TRIM46: variants seen among roughly 807,000 people sequenced by gnomAD.
TRIM46 encodes tripartite motif containing 46.
In TRIM46, 17 loss-of-function variants were observed where a neutral mutation model predicts 69.7. That is an observed-to-expected ratio of 0.24 (90% confidence interval 0.17 to 0.37). The LOEUF (loss-of-function observed/expected upper bound fraction) is 0.37, where lower values mean the gene tolerates loss of function less well. Among genes scored for constraint, TRIM46 ranks in the 10% least tolerant of loss-of-function variants. TRIM46 has a pLI of 1.00. For missense variants in TRIM46, 675 were observed against 1,025.1 expected (o/e 0.66, Z 4.66); for synonymous variants, 391 against 429.0 (o/e 0.91, Z 1.09).
In TRIM46 at chr1:155,173,888, C is replaced by T; in HGVS notation, c.-79C>T. The T allele has an allele frequency of 6.9e-7, 1 of 1,448,070 alleles. No individual in the cohort carries two copies. Among genetic ancestry groups the T allele is most frequent in the Non-Finnish European group, 9.4e-7 (1 of 1,058,990 alleles). 89.7% of individuals were successfully genotyped at this position (1,448,070 alleles called of 1,614,324 possible). ...ACCCCCAGCCCTCCTCACACCCCCACTGGGCTCCTGCATTAAGCCCGGGGT... is the reference window on the plus strand; with the variant it reads ...ACCCCCAGCCCTCCTCACACCCCCATTGGGCTCCTGCATTAAGCCCGGGGT... On this transcript the variant is annotated 5_prime_UTR_variant, in exon 1 of 10. Transcript: ENST00000334634.
chr1:155,180,370 G>A (rs2147791445), intron 8 of TRIM46: 12 of 332,338 alleles, frequency 3.6e-5, no homozygotes, highest in South Asian at 2.3e-4. Context: ...GCCGAGGCGG[G>A]CGGATCACAA....
chr1:155,178,044 C>T lies in TRIM46; in HGVS notation c.952C>T (p.Arg318Trp), dbSNP rs756619267. Residue 318 changes from arginine to tryptophan, a missense_variant, in exon 6 of 10, where the codon CGG becomes TGG. Arg to Trp is a moderately radical substitution (Grantham distance 101). Transcript: ENST00000334634. ...CAAGGAGGAGGTGTCGCAGCTGGTG[C>T]GGGGGCTGGGGGCTGTGCTGGAGGA... is the stretch of plus-strand genomic sequence containing the variant. ...QAKEEVSQLV[R>W]GLGAVLEEKR... 11 of 1,613,652 alleles carry T rather than the reference C, an allele frequency of 6.8e-6. No individual in the cohort carries two copies. Among genetic ancestry groups the T allele is most frequent in the East Asian group, 2.2e-5 (1 of 44,888 alleles).
In TRIM46 at chr1:155,175,687, G is replaced by A. The variant is rs1665591820; in HGVS notation, c.325+40G>A. 1 of 1,611,918 alleles carries A rather than the reference G, an allele frequency of 6.2e-7. No homozygotes were observed. Among genetic ancestry groups the A allele is most frequent in the South Asian group, 1.1e-5 (1 of 91,062 alleles). On this transcript the variant is annotated intron_variant, in intron 2 of 9. Transcript: ENST00000334634. The surrounding 1 kb of genome is among the most constrained non-coding windows in gnomAD (Gnocchi z 4.2). Reference sequence around the variant, plus strand: ...TGTAGGGTGGGGATGGGAACGCTGAGCTATTCATCAGGAAGATGGAAGAAG... The same window carrying A: ...TGTAGGGTGGGGATGGGAACGCTGAACTATTCATCAGGAAGATGGAAGAAG...
Position 155,177,277 on chromosome 1 carries a change from T to C in TRIM46, c.896T>C (p.Val299Ala). 6.2e-7 allele frequency: 1 copy of C among 1,613,932 alleles called. No homozygotes were observed. Among genetic ancestry groups the C allele is most frequent in the South Asian group, 1.1e-5 (1 of 91,052 alleles). Residue 299 changes from valine to alanine, a missense_variant, in exon 5 of 10, where the codon GTG (valine) becomes GCG (alanine). Around this residue, in one of 5 missense-constraint regions of TRIM46, gnomAD observed 361 missense variants for 498.3 expected, o/e 0.72. Coordinates refer to ENST00000334634, the MANE Select transcript of TRIM46 (RefSeq NM_025058.5). ...CAGATCTGTGAGCTGGAGGAGGCCGTGAGGCACACCGAGGTGAGGGAGGGC... is the reference window on the plus strand; with the variant it reads ...CAGATCTGTGAGCTGGAGGAGGCCGCGAGGCACACCGAGGTGAGGGAGGGC... ...QTQICELEEAVRHTEVSGQQA... is the reference protein window; with the variant it reads ...QTQICELEEAARHTEVSGQQA...
rs528552235 is a variant in TRIM46 at position 155,179,998 on chromosome 1, C to T, written c.1588+64C>T. ...GGGTATGCCAGGGCCTAGGCCCTGA[C>T]GGTTGGTTCCGGTGGCCGCTAGAGA... On this transcript the variant is annotated intron_variant, in intron 8 of 9. Coordinates refer to ENST00000334634, the MANE Select transcript of TRIM46 (RefSeq NM_025058.5). 7.1e-5 allele frequency: 106 copies of T among 1,496,004 alleles called. 1 individual carries two copies. The highest frequency in any genetic ancestry group is 5.3e-4 in the South Asian group (40 of 74,936). 92.7% of individuals were successfully genotyped at this position (1,496,004 alleles called of 1,614,324 possible).
intron 7 of TRIM46, 102 bp from the exon 8 acceptor site, chr1:155,179,530 A>AC (rs1010334995): frequency 3.4e-5 from 36 of 1,061,610 alleles, no homozygotes; most frequent in South Asian, 7.9e-5. Context: ...ACCCACACTC[A>AC]CCCCCCCGGC....
At chr1:155,182,200 G>A (rs1490239978) in intron 9 of TRIM46, 51 bp downstream of exon 9, 6 of 1,569,990 alleles carry the variant, frequency 3.8e-6, no homozygotes, top group Middle Eastern at 1.7e-4. Context: ...TGGGAGTGAG[G>A]GGCACAGAAG....
chr1:155,178,923 A>C, intron 7 of TRIM46: 3 of 1,093,470 alleles, frequency 2.7e-6, no homozygotes, highest in Non-Finnish European at 3.8e-6. Flanking sequence ...CACGCATCTC[A>C]GCCAACCACT....
At position 155,179,888 on chromosome 1, in the gene TRIM46, C is replaced by T. The variant is rs148757333; in HGVS notation, c.1542C>T (p.Tyr514=). Residue 514 remains tyrosine, a synonymous_variant, in exon 8 of 10, where the codon TAC becomes TAT. Coordinates refer to ENST00000334634, the MANE Select transcript of TRIM46 (RefSeq NM_025058.5). ...LRVRGCNKAG[Y]GEYSEDVHLH... ...TCCGCGGCTGCAACAAGGCCGGCTA[C>T]GGCGAATACAGTGAAGATGTGCACC... 31 of 1,607,042 alleles carry T rather than the reference C, an allele frequency of 1.9e-5. No homozygotes were observed. The highest frequency in any genetic ancestry group is 5.0e-5 in the Admixed American group (3 of 59,700).
In TRIM46 at chr1:155,178,519, G is replaced by A; in HGVS notation, c.1191G>A (p.Gln397=). ...NRIARATEAL[Q]TFRPAASSSF... ...TTGCCCGAGCCACTGAAGCCCTCCAGACATTCCGGCCAGCTGCCAGCTCCT... is the reference window on the plus strand; with the variant it reads ...TTGCCCGAGCCACTGAAGCCCTCCAAACATTCCGGCCAGCTGCCAGCTCCT... Residue 397 remains glutamine, a synonymous_variant, in exon 7 of 10, where the codon CAG becomes CAA. Coordinates refer to ENST00000334634, the MANE Select transcript of TRIM46 (RefSeq NM_025058.5). 1 of 1,614,094 alleles carries A rather than the reference G, an allele frequency of 6.2e-7. No individual in the cohort carries two copies. Among genetic ancestry groups the A allele is most frequent in the Non-Finnish European group, 8.5e-7 (1 of 1,180,016 alleles).
Position 155,179,779 on chromosome 1 carries a change from C to A in TRIM46, c.1433C>A (p.Thr478Asn). 1 of 1,613,378 alleles carries A rather than the reference C, an allele frequency of 6.2e-7. No individual in the cohort carries two copies. Among genetic ancestry groups the A allele is most frequent in the Non-Finnish European group, 8.5e-7 (1 of 1,179,930 alleles). ...GATGTGCCTGCTCAGCCAGGCCCCA[C>A]CCGCTGGCAGCGGCGGGAGGAGGTG... ...RTDVPAQPGP[T>N]RWQRREEVRG... Residue 478 changes from threonine to asparagine, a missense_variant, in exon 8 of 10, where the codon ACC becomes AAC. Thr to Asn is a moderately conservative substitution (Grantham distance 65, BLOSUM62 0). This residue lies in a region of TRIM46 where 361 missense variants were observed against 498.3 expected (regional missense o/e 0.72). Transcript: ENST00000334634.
chr1:155,174,742 G>C, intron 1 of TRIM46: 1 of 1,458,606 alleles, frequency 6.9e-7, no homozygotes, highest in Non-Finnish European at 9.0e-7. Flanking sequence ...CGGGGCTCTT[G>C]ATTCCCCCGC....
chr1:155,184,082 G>A lies in TRIM46; in HGVS notation c.2172G>A (p.Val724=). The change falls in exon 10 of 10, where the codon GTG becomes GTA. Residue 724 remains valine (V), a synonymous_variant. Coordinates refer to ENST00000334634, the MANE Select transcript of TRIM46 (RefSeq NM_025058.5). This position sits in a 1 kb window ranked among gnomAD's most constrained non-coding sequence, Gnocchi z 5.6. ...LECPLDCSGP[V]CPAFCFIGGG... ...GCCCCCTGGACTGCTCAGGGCCTGT[G>A]TGCCCTGCCTTTTGCTTCATCGGGG... The A allele has an allele frequency of 3.7e-6, 6 of 1,614,102 alleles. No homozygotes were observed. The highest frequency in any genetic ancestry group is 5.1e-6 in the Non-Finnish European group (6 of 1,180,030).
At chr1:155,179,606 C>A in intron 7 of TRIM46, 26 bp from the exon 8 acceptor site, 1 of 1,565,440 alleles carries the variant, frequency 6.4e-7, no homozygotes. Context: ...CAGGCCCTGA[C>A]TGACACCCGC....
At chr1:155,174,454 C>T (rs1665443359) in intron 1 of TRIM46, 1 of 1,381,852 alleles carries the variant, frequency 7.2e-7, no homozygotes, top group Non-Finnish European at 9.4e-7. Context: ...CTCCCCAAGA[C>T]CCCACCCCAC....
chr1:155,184,183 T>A lies in TRIM46; in HGVS notation c.2273T>A (p.Leu758Gln). 1 of 1,604,890 alleles carries A rather than the reference T, an allele frequency of 6.2e-7. No homozygotes were observed. Among genetic ancestry groups the A allele is most frequent in the South Asian group, 1.1e-5 (1 of 90,142 alleles). ...GTCACCATTGGGGGCTTCGCCAAGC[T>A]GGACTGAGCCTTCCAGGCCCCTCAT... ...RKVTIGGFAKLD is the reference protein window; with the variant it reads ...RKVTIGGFAKQD Residue 758 changes from leucine (L) to glutamine (Q), a missense_variant, in exon 10 of 10, where the codon CTG becomes CAG. Leu to Gln is a moderately radical substitution (Grantham distance 113, BLOSUM62 -2). This residue lies in a region of TRIM46 where 108 missense variants were observed against 153.0 expected (regional missense o/e 0.71). Coordinates refer to ENST00000334634, the MANE Select transcript of TRIM46 (RefSeq NM_025058.5). The surrounding 1 kb of genome is among the most constrained non-coding windows in gnomAD (Gnocchi z 5.6).
intron 1 of TRIM46, chr1:155,174,404 T>C (rs12080458): frequency 1.8e-6 from 1 of 541,166 alleles, no homozygotes; most frequent in African/African-American, 2.1e-5. Context: ...TGGGGGATGA[T>C]GTAGGAGCCG....
chr1:155,178,739 T>TGGGCCCCCCCCCCCCCCCCCC, intron 7 of TRIM46, 126 bp downstream of exon 7: 2 of 1,348,472 alleles, frequency 1.5e-6, no homozygotes, highest in Non-Finnish European at 2.0e-6. Flanking sequence ...CAGCCATTCC[T>TGGGCCCCCCCCCCCCCCCCCC]CCCACCCAGC....
At chr1:155,183,532 G>A (rs576298482) in intron 9 of TRIM46, among the ~76,000 whole-genome samples, 8 of 151,962 alleles carry the variant, frequency 5.3e-5, no homozygotes, top group South Asian at 2.1e-4. Context: ...ATGCCTTTCC[G>A]CGGGCTATAC....
Sources: allele counts gnomAD v4.1 joint callset (sites outside exome capture counted in the v4.1 genomes callset), GRCh38; gene constraint gnomAD v4.1.1; regional missense constraint gnomAD v4.1.1; non-coding constraint Gnocchi (gnomAD v3.1); transcripts MANE v1.5; gene names NCBI Gene and HGNC (gene_info 2026-07-23, HGNC 2026-07-21).